The following TMOD1 variants were observed in gnomAD, a reference collection of about 807,000 sequenced individuals.
The protein encoded by TMOD1 is tropomodulin 1.
In TMOD1, 17 loss-of-function variants were observed where a neutral mutation model predicts 40.6. That is an observed-to-expected ratio of 0.42 (90% CI 0.29 to 0.63). The LOEUF is 0.63. Among genes scored for constraint, TMOD1 ranks in the 20% least tolerant of loss-of-function variants. The pLI is 0.22. For synonymous variants in TMOD1, 181 were observed against 175.0 expected (o/e 1.03, Z -0.27); for missense variants, 391 against 447.6 (o/e 0.87, Z 1.14).
chr9:97,527,863 C>A (rs1830041449), intron 2 of TMOD1, among the ~76,000 whole-genome samples: 1 of 152,150 alleles, frequency 6.6e-6, no homozygotes, highest in Admixed American at 6.5e-5. Flanking sequence ...CCCTGCAGGC[C>A]TTTTGGGCTG....
chr9:97,561,479 G>A (rs771531666), intron 4 of TMOD1, among the ~76,000 whole-genome samples: 9 of 152,226 alleles, frequency 5.9e-5, no homozygotes, highest in Non-Finnish European at 8.8e-5. Context: ...GGGTGGGACT[G>A]GGCATCAGGA....
intron 4 of TMOD1, among the ~76,000 whole-genome samples, chr9:97,559,593 C>T (rs1398190469): frequency 2.0e-5 from 3 of 150,406 alleles, no homozygotes; most frequent in Admixed American, 6.7e-5. Flanking sequence ...GGTGAAACCC[C>T]GTCTCTACTA....
chr9:97,538,187 A>G (rs1274079842), intron 2 of TMOD1, among the ~76,000 whole-genome samples: 1 of 152,186 alleles, frequency 6.6e-6, no homozygotes, highest in African/African-American at 2.4e-5. Context: ...CTAAGATCAG[A>G]GATAATCTAG....
At chr9:97,555,574 G>T (rs1830524608) in intron 4 of TMOD1, 1 of 1,530,256 alleles carries the variant, frequency 6.5e-7, no homozygotes, top group African/African-American at 1.4e-5. Context: ...AAGGAGAGGG[G>T]AGCTGTAAGT....
intron 2 of TMOD1, among the ~76,000 whole-genome samples, chr9:97,534,031 G>T (rs1369882361): frequency 6.6e-6 from 1 of 152,218 alleles, no homozygotes; most frequent in East Asian, 1.9e-4. Flanking sequence ...AAGGGATGGG[G>T]AGGGGGAGGG....
Position 97,582,353 on chromosome 9 carries a change from A to G in TMOD1, c.871-8938A>G, listed in dbSNP as rs1472329819. Among the ~76,000 whole-genome samples the G allele has an allele frequency of 2.4e-4, 34 of 144,652 alleles. 1 individual carries two copies. The highest frequency in any genetic ancestry group is 2.2e-3 in the Admixed American group (32 of 14,434). 94.9% of individuals were successfully genotyped at this position (144,652 alleles called of 152,430 possible). Reference sequence around the variant, plus strand: ...CTGAGGGCTCTGTTCTGTTCCATTGATCTATATCTCTGTTTTGGTACCAGT... The same window carrying G: ...CTGAGGGCTCTGTTCTGTTCCATTGGTCTATATCTCTGTTTTGGTACCAGT... On this transcript the variant is annotated intron_variant, in intron 8 of 9. Transcript: ENST00000259365.
At chr9:97,542,776 G>A (rs1394469515) in intron 2 of TMOD1, among the ~76,000 whole-genome samples, 1 of 151,548 alleles carries the variant, frequency 6.6e-6, no homozygotes, top group Non-Finnish European at 1.5e-5. Flanking sequence ...CTTGAACCCG[G>A]GAGGCAGAAG....
intron 8 of TMOD1, among the ~76,000 whole-genome samples, chr9:97,582,180 G>A: frequency 6.6e-6 from 1 of 151,410 alleles, no homozygotes; most frequent in Non-Finnish European, 1.5e-5. Flanking sequence ...TTTTGTAGAA[G>A]GTGTAAGGAA....
At chr9:97,529,422 G>A (rs1245160647) in intron 2 of TMOD1, among the ~76,000 whole-genome samples, 1 of 152,048 alleles carries the variant, frequency 6.6e-6, no homozygotes, top group Non-Finnish European at 1.5e-5. Context: ...ACTTCAAGGG[G>A]TGACGTTTCT....
At chr9:97,501,508 C>A (rs1437337882), upstream of TMOD1, 1 of 151,506 alleles carries the variant, frequency 6.6e-6, no homozygotes, top group Admixed American at 6.6e-5. Flanking sequence ...GGCCGCGTCC[C>A]GACGGGGAAG....
chr9:97,562,853 C>G (rs536749262), intron 5 of TMOD1, 32 bp downstream of exon 5: 1 of 1,541,824 alleles, frequency 6.5e-7, no homozygotes, highest in Admixed American at 2.0e-5. Flanking sequence ...GGAGGGACCT[C>G]ATGCTTCTTG....
chr9:97,520,256 A>G (rs1829893669), intron 1 of TMOD1, among the ~76,000 whole-genome samples: 2 of 152,106 alleles, frequency 1.3e-5, no homozygotes, highest in Non-Finnish European at 2.9e-5. Context: ...CCAGGGAATT[A>G]CTGTCACAAT....
rs1001693835 is a variant in TMOD1 at position 97,568,990 on chromosome 9, G to A, written c.823G>A (p.Ala275Thr). The A allele has an allele frequency of 1.9e-6, 3 of 1,614,190 alleles. No homozygotes were observed. Among genetic ancestry groups the A allele is most frequent in the Non-Finnish European group, 1.7e-6 (2 of 1,180,036 alleles). ...AGCTGGGATTCTGCGCCTGGTAGAA[G>A]CCCTCCCATACAACACTTCTCTGGT... ...SGAGILRLVE[A>T]LPYNTSLVEM... Residue 275 changes from alanine (A) to threonine (T), a missense_variant, in exon 8 of 10, where the codon GCC (alanine) becomes ACC (threonine). By Grantham distance (58) the Ala-to-Thr change is moderately conservative. Coordinates refer to ENST00000259365, the MANE Select transcript of TMOD1 (RefSeq NM_003275.4).
At chr9:97,520,396 C>T (rs569554369) in intron 1 of TMOD1, among the ~76,000 whole-genome samples, 6 of 152,218 alleles carry the variant, frequency 3.9e-5, no homozygotes, top group African/African-American at 1.2e-4. Flanking sequence ...ATTTTAAGAC[C>T]GAGTTTGCAG....
At chr9:97,510,625 C>T (rs931421025) in intron 1 of TMOD1, among the ~76,000 whole-genome samples, 3 of 152,186 alleles carry the variant, frequency 2.0e-5, no homozygotes, top group Non-Finnish European at 2.9e-5. Context: ...ATTCATTCAA[C>T]GAATATGTCT....
In TMOD1 at chr9:97,562,749, A is replaced by C. The variant is rs1443686925; in HGVS notation, c.415A>C (p.Thr139Pro). The C allele has an allele frequency of 6.4e-7, 1 of 1,566,312 alleles. No homozygotes were observed. Among genetic ancestry groups the C allele is most frequent in the Non-Finnish European group, 8.6e-7 (1 of 1,161,686 alleles). The part of the protein sequence containing the change: ...CDIAAILGMH[T>P]LMSNQQYYQA... ...CCCTGCAGCGATCCTGGGCATGCAC[A>C]CGCTCATGAGTAACCAGCAGTACTA... Residue 139 changes from threonine (T) to proline (P), a missense_variant, in exon 5 of 10, where the codon ACG becomes CCG. Transcript: ENST00000259365.
rs1826243273 is a variant in TMOD1 at position 97,600,941 on chromosome 9, C to G, written c.*1243C>G. On this transcript the variant is annotated 3_prime_UTR_variant, in exon 10 of 10. Transcript: ENST00000259365. ...GTTTGTTGCTTTTGGGAGTTATTTT[C>G]ATTAGTGATTTCAGCAAATCTCATG... The G allele has an allele frequency of 8.8e-7, 1 of 1,133,954 alleles. No individual in the cohort carries two copies. The highest frequency in any genetic ancestry group is 1.1e-6 in the Non-Finnish European group (1 of 902,878). 70.2% of individuals were successfully genotyped at this position (1,133,954 alleles called of 1,614,324 possible).
At chr9:97,550,343 G>A (rs911582066) in intron 3 of TMOD1, among the ~76,000 whole-genome samples, 1 of 152,180 alleles carries the variant, frequency 6.6e-6, no homozygotes, top group African/African-American at 2.4e-5. Context: ...TCTTGTAGAA[G>A]TATTTGTTCG....
At chr9:97,552,195 C>T (rs1342706501) in intron 3 of TMOD1, among the ~76,000 whole-genome samples, 3 of 152,166 alleles carry the variant, frequency 2.0e-5, no homozygotes, top group African/African-American at 7.2e-5. Flanking sequence ...TTTATTCTGA[C>T]TGAAACTTCC....
Sources: allele counts gnomAD v4.1 joint callset (sites outside exome capture counted in the v4.1 genomes callset), GRCh38; gene constraint gnomAD v4.1.1; transcripts MANE v1.5; gene names NCBI Gene and HGNC (gene_info 2026-07-23, HGNC 2026-07-21).